Variants in LSAMP observed in about 807,000 individuals in gnomAD.
LSAMP encodes the protein limbic system associated membrane protein, also known as limbic system-associated membrane protein.
A neutral mutation model predicts 38.6 loss-of-function variants in LSAMP; 7 were observed. The ratio of observed to expected loss-of-function variants is 0.18; its 90% CI spans 0.10 to 0.34. The LOEUF (loss-of-function observed/expected upper bound fraction) is 0.34, where lower values mean the gene tolerates loss of function less well. Ranked by LOEUF, LSAMP falls within the 10% of genes least tolerant of loss-of-function variation. LSAMP has a pLI of 1.00. For missense variants in LSAMP, 313 were observed against 420.0 expected, an observed-to-expected ratio of 0.75 and a Z score of 2.23; for synonymous variants, 154 against 166.8, an observed-to-expected ratio of 0.92 and a Z score of 0.59.
intron 2 of LSAMP, among the ~76,000 whole-genome samples, chr3:116,031,890 T>A (rs1237976480): frequency 6.6e-6 from 1 of 152,074 alleles, no homozygotes; most frequent in Non-Finnish European, 1.5e-5. Context: ...GTGAATTAAT[T>A]AATACATTCA....
intron 3 of LSAMP, among the ~76,000 whole-genome samples, chr3:115,864,136 T>G (rs1935791429): frequency 6.6e-6 from 1 of 152,120 alleles, no homozygotes; most frequent in Non-Finnish European, 1.5e-5. Context: ...CCTGGCCAAT[T>G]GTTAGAAGCA....
chr3:116,227,377 A>G (rs2046353819), intron 1 of LSAMP, among the ~76,000 whole-genome samples: 1 of 152,186 alleles, frequency 6.6e-6, no homozygotes. Context: ...TTTGTGGGTT[A>G]AGTTTTACTT....
intron 1 of LSAMP, among the ~76,000 whole-genome samples, chr3:116,409,498 G>A (rs982136302): frequency 6.6e-6 from 1 of 152,022 alleles, no homozygotes; most frequent in Admixed American, 6.6e-5. Context: ...ACCTGAGGAA[G>A]TCAGAACAAC....
intron 3 of LSAMP, among the ~76,000 whole-genome samples, chr3:115,871,582 AGTGTGT>A (rs59830926): frequency 0.027 from 3,915 of 144,964 alleles, 161 homozygotes; most frequent in African/African-American, 0.086. Context: ...ACCAACGTGT[AGTGTGT>A]GTGTGTGTGT....
chr3:115,867,348 A>T (rs1043358661), intron 3 of LSAMP, among the ~76,000 whole-genome samples: 1 of 152,156 alleles, frequency 6.6e-6, no homozygotes, highest in Admixed American at 6.6e-5. Flanking sequence ...TATTGTATCA[A>T]TAGCTCAACA....
chr3:116,133,554 C>A (rs1403227804), intron 1 of LSAMP, among the ~76,000 whole-genome samples: 1 of 152,076 alleles, frequency 6.6e-6, no homozygotes, highest in Non-Finnish European at 1.5e-5. Context: ...TCCAAGTGAT[C>A]CTCCTGCCTT....
chr3:116,111,784 C>A (rs1392309775), intron 1 of LSAMP, among the ~76,000 whole-genome samples: 1 of 152,116 alleles, frequency 6.6e-6, no homozygotes, highest in African/African-American at 2.4e-5. Context: ...ACTCTTCTGA[C>A]AAAAGTTTTC....
At chr3:116,201,778 C>A (rs2045990191) in intron 1 of LSAMP, among the ~76,000 whole-genome samples, 1 of 152,114 alleles carries the variant, frequency 6.6e-6, no homozygotes, top group African/African-American at 2.4e-5. Flanking sequence ...CTTGACTGGA[C>A]CTAACTGAAG....
chr3:116,357,188 G>C (rs759351904), intron 1 of LSAMP, among the ~76,000 whole-genome samples: 13 of 151,870 alleles, frequency 8.6e-5, no homozygotes, highest in Non-Finnish European at 1.6e-4. Flanking sequence ...AAGATTACCA[G>C]GTACGACTAC....
At chr3:116,342,925 T>C (rs1207838747) in intron 1 of LSAMP, among the ~76,000 whole-genome samples, 1 of 152,088 alleles carries the variant, frequency 6.6e-6, no homozygotes, top group East Asian at 1.9e-4. Flanking sequence ...AGAGTAAATA[T>C]TGATGGATTC....
intron 2 of LSAMP, among the ~76,000 whole-genome samples, chr3:116,079,387 G>T (rs952815787): frequency 6.6e-6 from 1 of 152,200 alleles, no homozygotes; most frequent in East Asian, 1.9e-4. Context: ...GGCTAAGTGC[G>T]GTGGCTTACG....
intron 1 of LSAMP, among the ~76,000 whole-genome samples, chr3:116,423,166 AAT>A (rs763213054): frequency 1.1e-4 from 16 of 152,342 alleles, no homozygotes; most frequent in Non-Finnish European, 1.9e-4. Flanking sequence ...TTGCTAAGCA[AAT>A]TAGTTTCGTG....
intron 3 of LSAMP, among the ~76,000 whole-genome samples, chr3:115,879,189 G>A (rs1936261776): frequency 6.6e-6 from 1 of 152,062 alleles, no homozygotes; most frequent in Admixed American, 6.6e-5. Flanking sequence ...AAGTAAATGG[G>A]TTCAGATTTA....
chr3:116,230,338 T>C (rs1214578620), intron 1 of LSAMP, among the ~76,000 whole-genome samples: 1 of 152,196 alleles, frequency 6.6e-6, no homozygotes. Flanking sequence ...TTTAGCTTTT[T>C]AGCACATGAG....
intron 1 of LSAMP, among the ~76,000 whole-genome samples, chr3:116,403,528 T>C (rs2048864555): frequency 6.6e-6 from 1 of 152,124 alleles, no homozygotes; most frequent in Non-Finnish European, 1.5e-5. Flanking sequence ...ATTTAACAAA[T>C]CTACAACTTG....
chr3:116,391,771 G>A (rs917706859), intron 1 of LSAMP, among the ~76,000 whole-genome samples: 3 of 152,218 alleles, frequency 2.0e-5, no homozygotes, highest in Non-Finnish European at 4.4e-5. Context: ...AGTGACTGGT[G>A]CCCACTTCAG....
intron 1 of LSAMP, among the ~76,000 whole-genome samples, chr3:116,435,129 G>GT (rs1559867164): frequency 6.6e-6 from 1 of 152,184 alleles, no homozygotes; most frequent in Non-Finnish European, 1.5e-5. Context: ...TACAGTAAGA[G>GT]TTTTAAAAGA....
intron 1 of LSAMP, among the ~76,000 whole-genome samples, chr3:116,184,657 C>T (rs561183723): frequency 6.6e-5 from 10 of 151,948 alleles, no homozygotes; most frequent in South Asian, 4.2e-4. Context: ...GCTTCAGATA[C>T]GATTGCTTGC....
chr3:115,834,973 G>A (rs182818945), intron 6 of LSAMP, among the ~76,000 whole-genome samples: 4 of 152,082 alleles, frequency 2.6e-5, no homozygotes, highest in South Asian at 2.1e-4. Flanking sequence ...CTTGGTTCTC[G>A]TCTCTTTAGC....
Sources: allele counts gnomAD v4.1 joint callset (sites outside exome capture counted in the v4.1 genomes callset), GRCh38; gene constraint gnomAD v4.1.1; transcripts MANE v1.5; gene names NCBI Gene and HGNC (gene_info 2026-07-23, HGNC 2026-07-21).